The following ERI1 variants were observed in gnomAD, a reference collection of about 807,000 sequenced individuals.
ERI1 encodes the protein exoribonuclease 1.
Under a neutral mutation model 39.7 loss-of-function variants are expected in ERI1, and 39 were observed. That is an observed-to-expected ratio of 0.98 (90% CI 0.76 to 1.28). The LOEUF (loss-of-function observed/expected upper bound fraction) is 1.28, where lower values mean the gene tolerates loss of function less well. Among genes scored for constraint, ERI1 ranks in the 50% most tolerant of loss-of-function variants. The pLI is 0.00. For missense variants in ERI1, 581 were observed against 416.9 expected (o/e 1.39, Z -3.43); for synonymous variants, 204 against 149.6 (o/e 1.36, Z -2.65).
At chr8:9,040,730 G>C (rs1000737775) in intron 3 of ERI1, among the ~76,000 whole-genome samples, 30 of 50,364 alleles carry the variant, frequency 6.0e-4, no homozygotes, top group Non-Finnish European at 1.9e-4. Flanking sequence ...GTGTGTGTGT[G>C]GGGGGGGGGT....
chr8:9,006,859 G>A (rs1816074145), intron 1 of ERI1, among the ~76,000 whole-genome samples: 1 of 152,120 alleles, frequency 6.6e-6, no homozygotes, highest in Non-Finnish European at 1.5e-5. Flanking sequence ...TAAATTGAGA[G>A]CTTAGAGTAA....
chr8:9,050,234 G>C (rs762247419), intron 3 of ERI1, among the ~76,000 whole-genome samples: 2 of 152,012 alleles, frequency 1.3e-5, no homozygotes, highest in African/African-American at 4.8e-5. Flanking sequence ...AAGGCTGGGC[G>C]CAGTGCCTCA....
At chr8:9,052,328 T>C (rs994822753) in intron 3 of ERI1, among the ~76,000 whole-genome samples, 1 of 152,100 alleles carries the variant, frequency 6.6e-6, no homozygotes, top group South Asian at 2.1e-4. Context: ...TTTTTTTTTT[T>C]CCAATAAATC....
intron 3 of ERI1, among the ~76,000 whole-genome samples, chr8:9,085,042 T>G (rs1157284273): frequency 6.6e-6 from 1 of 152,212 alleles, no homozygotes; most frequent in Non-Finnish European, 1.5e-5. Context: ...TAAATTCAGA[T>G]TCTTGGACCT....
At chr8:9,034,770 C>G (rs939388932), downstream of ERI1, among the ~76,000 whole-genome samples, 1 of 151,982 alleles carries the variant, frequency 6.6e-6, no homozygotes, top group Non-Finnish European at 1.5e-5. Context: ...AATGATTAAT[C>G]TTAAAGAGGA....
At chr8:9,082,836 G>A (rs554041918) in intron 3 of ERI1, among the ~76,000 whole-genome samples, 7 of 152,222 alleles carry the variant, frequency 4.6e-5, no homozygotes, top group African/African-American at 1.7e-4. Flanking sequence ...GCAAGAGTCC[G>A]GTCTAGTCAG....
chr8:9,017,454 T>C (rs1434681745), intron 4 of ERI1, among the ~76,000 whole-genome samples: 1 of 152,226 alleles, frequency 6.6e-6, no homozygotes, highest in East Asian at 1.9e-4. Context: ...TACTATAATA[T>C]ATGCCAGCAT....
intron 3 of ERI1, among the ~76,000 whole-genome samples, chr8:9,069,015 C>T (rs886737012): frequency 1.1e-4 from 16 of 152,092 alleles, no homozygotes; most frequent in Admixed American, 3.9e-4. Flanking sequence ...ATGAGGGCCG[C>T]GCTGTGTGGC....
rs569586620 is a variant in ERI1 at position 9,065,872 on chromosome 8, T to G, written n.299+45408T>G. ...CTGTTGCAAACTCATGTTGTGGTTT[T>G]GGGTGGGTGGTGGAGAGTGTGTCAC... On this transcript the variant is annotated intron_variant and non_coding_transcript_variant, in intron 3 of 3. Coordinates refer to the ERI1 transcript ENST00000518663. Among the ~76,000 whole-genome samples the G allele has an allele frequency of 1.7e-4, 26 of 152,262 alleles. 1 individual carries two copies. The highest frequency in any genetic ancestry group is 6.0e-4 in the African/African-American group (25 of 41,536).
downstream of ERI1, among the ~76,000 whole-genome samples, chr8:9,036,314 T>G (rs573934879): frequency 6.6e-6 from 1 of 152,332 alleles, no homozygotes; most frequent in Non-Finnish European, 1.5e-5. Context: ...AACTTCATTG[T>G]TGTCTCATTT....
At chr8:9,082,152 A>C (rs1438464812) in intron 3 of ERI1, among the ~76,000 whole-genome samples, 2 of 152,234 alleles carry the variant, frequency 1.3e-5, no homozygotes, top group African/African-American at 4.8e-5. Context: ...AGAACCTTCC[A>C]TCAGGTGAGG....
At chr8:9,050,489 A>G (rs1798322127) in intron 3 of ERI1, among the ~76,000 whole-genome samples, 3 of 137,300 alleles carry the variant, frequency 2.2e-5, no homozygotes, top group South Asian at 5.1e-4. Flanking sequence ...CCTGGGCAAC[A>G]AGAGTGAAAC....
chr8:9,053,557 A>G (rs1016014034), intron 3 of ERI1, among the ~76,000 whole-genome samples: 26 of 152,166 alleles, frequency 1.7e-4, no homozygotes, highest in African/African-American at 6.0e-4. Context: ...GTGAATCATC[A>G]ATACAGTGCT....
intron 6 of ERI1, among the ~76,000 whole-genome samples, chr8:9,025,958 A>G (rs1429730852): frequency 2.0e-5 from 3 of 152,168 alleles, no homozygotes; most frequent in African/African-American, 7.2e-5. Flanking sequence ...GAAACAGTGT[A>G]TGTACATTGA....
At chr8:9,075,954 G>A (rs1799197942) in intron 3 of ERI1, among the ~76,000 whole-genome samples, 1 of 151,930 alleles carries the variant, frequency 6.6e-6, no homozygotes, top group Non-Finnish European at 1.5e-5. Flanking sequence ...TGGAGACAGG[G>A]TCTCATTGTG....
At chr8:9,046,219 G>A (rs1330796422) in intron 3 of ERI1, among the ~76,000 whole-genome samples, 1 of 152,200 alleles carries the variant, frequency 6.6e-6, no homozygotes, top group Non-Finnish European at 1.5e-5. Context: ...GTCCTGAGAA[G>A]CGGTTCTGAA....
intron 3 of ERI1, among the ~76,000 whole-genome samples, chr8:9,089,576 G>A (rs150890639): frequency 2.6e-5 from 4 of 152,312 alleles, no homozygotes; most frequent in East Asian, 3.9e-4. Context: ...GCAGAGAGGA[G>A]CCCCACTGGC....
At position 9,025,251 on chromosome 8, in the gene ERI1, C is replaced by A. The variant is rs145248566; in HGVS notation, c.808-4541C>A. ...ACTCAGACTTGAGACTTTCCAATAG[C>A]TTTCCTCACTTGATATCAAGCCCAA... is the stretch of plus-strand genomic sequence containing the variant. On this transcript the variant is annotated intron_variant, in intron 6 of 6. Coordinates refer to ENST00000250263, the MANE Select transcript of ERI1 (RefSeq NM_153332.4). Among the ~76,000 whole-genome samples, 73 of 152,296 alleles carry A rather than the reference C, an allele frequency of 4.8e-4. 1 individual carries two copies. The East Asian group carries it at 0.014, about 29-fold the overall frequency.
At chr8:9,006,733 A>G (rs1417551075) in intron 1 of ERI1, among the ~76,000 whole-genome samples, 1 of 152,070 alleles carries the variant, frequency 6.6e-6, no homozygotes, top group Non-Finnish European at 1.5e-5. Context: ...TCTTTAATTT[A>G]TGGACAGTTC....
Sources: gnomAD v4.1 joint callset for allele counts (sites outside exome capture counted in the v4.1 genomes callset) on GRCh38, gnomAD v4.1.1 for gene constraint, MANE v1.5 for transcripts, NCBI Gene and HGNC (gene_info 2026-07-23, HGNC 2026-07-21) for gene names.